Variants in SORCS3 observed in about 807,000 individuals in gnomAD.
The protein encoded by SORCS3 is sortilin related VPS10 domain containing receptor 3.
In SORCS3, 57 loss-of-function variants were observed where a neutral mutation model predicts 146.3. The ratio of observed to expected loss-of-function variants is 0.39; its 90% confidence interval spans 0.31 to 0.49. The LOEUF is 0.49. Among genes scored for constraint, SORCS3 ranks in the 20% least tolerant of loss-of-function variants. The pLI is 0.92. For synonymous variants in SORCS3, 653 were observed against 618.5 expected, an observed-to-expected ratio of 1.06 and a Z score of -0.83; for missense variants, 1,341 against 1,575.5, an observed-to-expected ratio of 0.85 and a Z score of 2.52.
chr10:105,039,451 CTTTTTTT>C (rs920662213), intron 4 of SORCS3, among the ~76,000 whole-genome samples: 225 of 96,550 alleles, frequency 2.3e-3, no homozygotes, highest in Non-Finnish European at 3.7e-3. Flanking sequence ...CTCTCGCTCT[CTTTTTTT>C]TTTTTTTTTT....
chr10:105,222,354 G>A (rs1010471497), intron 19 of SORCS3, among the ~76,000 whole-genome samples: 4 of 151,988 alleles, frequency 2.6e-5, no homozygotes, highest in Admixed American at 6.5e-5. Flanking sequence ...CACCGCGCCC[G>A]GCCGCATTAA....
chr10:104,941,799 C>T (rs927005117), intron 3 of SORCS3, among the ~76,000 whole-genome samples: 2 of 149,032 alleles, frequency 1.3e-5, no homozygotes, highest in African/African-American at 5.1e-5. Context: ...TCTTCTTGCT[C>T]TGGCTCCAAA....
At chr10:104,950,077 A>G (rs886990052) in intron 3 of SORCS3, among the ~76,000 whole-genome samples, 2 of 152,242 alleles carry the variant, frequency 1.3e-5, no homozygotes, top group Non-Finnish European at 2.9e-5. Flanking sequence ...AATAAGAGAT[A>G]AGATGAGGTT....
chr10:104,736,282 C>T (rs1292162310), intron 1 of SORCS3, among the ~76,000 whole-genome samples: 1 of 152,142 alleles, frequency 6.6e-6, no homozygotes, highest in Non-Finnish European at 1.5e-5. Context: ...ACTCAGGAGG[C>T]CACGGCGGGG....
At chr10:104,879,451 G>T (rs1305214161) in intron 2 of SORCS3, among the ~76,000 whole-genome samples, 1 of 152,072 alleles carries the variant, frequency 6.6e-6, no homozygotes, top group African/African-American at 2.4e-5. Flanking sequence ...ATTAGATTAG[G>T]CCCACCTGGA....
At chr10:104,891,102 T>C (rs2018744554) in intron 2 of SORCS3, among the ~76,000 whole-genome samples, 1 of 152,176 alleles carries the variant, frequency 6.6e-6, no homozygotes, top group Non-Finnish European at 1.5e-5. Context: ...TTCTTACACG[T>C]GTTTTGTTTA....
At chr10:105,068,409 C>A (rs1036857664) in intron 5 of SORCS3, among the ~76,000 whole-genome samples, 1 of 152,184 alleles carries the variant, frequency 6.6e-6, no homozygotes, top group Non-Finnish European at 1.5e-5. Flanking sequence ...TCCCTAGATG[C>A]ATCTGCTTTT....
At chr10:104,682,349 G>C (rs1367491615) in intron 1 of SORCS3, among the ~76,000 whole-genome samples, 1 of 152,204 alleles carries the variant, frequency 6.6e-6, no homozygotes, top group South Asian at 2.1e-4. Context: ...ACTCTTGCAC[G>C]TATCACCTTT....
chr10:104,845,758 C>T (rs559487556), intron 2 of SORCS3, among the ~76,000 whole-genome samples: 1 of 152,178 alleles, frequency 6.6e-6, no homozygotes. Context: ...TCTGTCTAGT[C>T]AAAGATATTC....
chr10:104,739,709 T>A (rs1007612539), intron 1 of SORCS3, among the ~76,000 whole-genome samples: 6 of 152,220 alleles, frequency 3.9e-5, no homozygotes, highest in African/African-American at 1.4e-4. Context: ...CCAGCATGTC[T>A]GAAGGATCTG....
intron 4 of SORCS3, among the ~76,000 whole-genome samples, chr10:105,028,778 ATTG>A (rs1156809963): frequency 6.6e-6 from 1 of 152,144 alleles, no homozygotes; most frequent in Non-Finnish European, 1.5e-5. Context: ...ATTAGTTCTT[ATTG>A]TTATATGCTT....
intron 3 of SORCS3, among the ~76,000 whole-genome samples, chr10:104,922,711 G>C (rs776233697): frequency 6.6e-5 from 10 of 152,140 alleles, no homozygotes; most frequent in Admixed American, 1.3e-4. Flanking sequence ...CAGGGTTTGG[G>C]GGCTAACAGG....
intron 1 of SORCS3, among the ~76,000 whole-genome samples, chr10:104,748,310 A>G (rs2016939702): frequency 6.6e-6 from 1 of 152,194 alleles, no homozygotes; most frequent in South Asian, 2.1e-4. Flanking sequence ...GGTTATTTAT[A>G]TCAGCCACAG....
intron 2 of SORCS3, among the ~76,000 whole-genome samples, chr10:104,899,048 T>G (rs1283544867): frequency 6.6e-6 from 1 of 152,208 alleles, no homozygotes; most frequent in African/African-American, 2.4e-5. Flanking sequence ...TATGCTGTGT[T>G]TTTCTAGCAT....
chr10:105,005,761 C>T (rs1363285786), intron 4 of SORCS3, among the ~76,000 whole-genome samples: 1 of 152,116 alleles, frequency 6.6e-6, no homozygotes, highest in Non-Finnish European at 1.5e-5. Context: ...CTCAGTTATA[C>T]CACTTATTTG....
chr10:104,811,516 C>T (rs907889131), intron 1 of SORCS3, among the ~76,000 whole-genome samples: 12 of 152,168 alleles, frequency 7.9e-5, no homozygotes, highest in Non-Finnish European at 1.5e-4. Flanking sequence ...AGTGTCTTGC[C>T]GAAGGTCACA....
intron 7 of SORCS3, among the ~76,000 whole-genome samples, chr10:105,109,410 G>GT (rs1323900899): frequency 6.6e-6 from 1 of 152,076 alleles, no homozygotes; most frequent in African/African-American, 2.4e-5. Context: ...ACTCTGCACT[G>GT]TAATTCCTGC....
At chr10:104,642,141 G>A (rs2015429034) in intron 1 of SORCS3, among the ~76,000 whole-genome samples, 187 bp downstream of exon 1, 1 of 152,126 alleles carries the variant, frequency 6.6e-6, no homozygotes. Context: ...GTTGTTAGAC[G>A]CTGTGTGTGT....
chr10:104,773,330 A>G (rs2017273408), intron 1 of SORCS3, among the ~76,000 whole-genome samples: 1 of 152,182 alleles, frequency 6.6e-6, no homozygotes. Flanking sequence ...AGCCCTTGGA[A>G]ACTCGGATTC....
Sources: allele counts gnomAD v4.1 joint callset (sites outside exome capture counted in the v4.1 genomes callset), GRCh38; gene constraint gnomAD v4.1.1; transcripts MANE v1.5; gene names NCBI Gene and HGNC (gene_info 2026-07-23, HGNC 2026-07-21).